SPIDR: variants seen among roughly 807,000 people sequenced by gnomAD.
The protein encoded by SPIDR is DNA repair-scaffolding protein.
SPIDR carries 93 observed loss-of-function variants against 104.6 expected under a neutral mutation model. The ratio of observed to expected loss-of-function variants is 0.89; its 90% confidence interval spans 0.75 to 1.06. SPIDR has a LOEUF of 1.06. SPIDR is among the 50% of genes least tolerant of loss of function. SPIDR has a pLI of 0.00. For synonymous variants in SPIDR, 431 were observed against 416.9 expected (o/e 1.03, Z -0.41); for missense variants, 1,154 against 1,111.2 (o/e 1.04, Z -0.55).
intron 11 of SPIDR, among the ~76,000 whole-genome samples, chr8:47,693,287 C>T (rs1363789655): frequency 1.3e-5 from 2 of 152,186 alleles, no homozygotes; most frequent in Non-Finnish European, 2.9e-5. Flanking sequence ...GTGTCACCAA[C>T]TAGCCTAGAG....
At position 47,279,850 on chromosome 8, in the gene SPIDR, T is replaced by A; in HGVS notation, c.34-12T>A. On this transcript the variant is annotated splice_polypyrimidine_tract_variant and intron_variant, in intron 1 of 19. Coordinates refer to ENST00000297423, the MANE Select transcript of SPIDR (RefSeq NM_001080394.4). ...TTTGTTTCGATTTTTCTTTTAAAAA[T>A]CATCTCCACAGAGAAAAAGGAGTTG... is the stretch of plus-strand genomic sequence containing the variant. The A allele has an allele frequency of 6.3e-7, 1 of 1,577,234 alleles. No homozygotes were observed. The highest frequency in any genetic ancestry group is 1.1e-5 in the South Asian group (1 of 87,142).
chr8:47,620,179 A>G (rs1200184317), intron 10 of SPIDR, among the ~76,000 whole-genome samples: 1 of 152,190 alleles, frequency 6.6e-6, no homozygotes, highest in African/African-American at 2.4e-5. Context: ...AAGTTCAGCC[A>G]GGTTTTGAGA....
At chr8:47,708,771 T>C (rs899493398) in intron 14 of SPIDR, among the ~76,000 whole-genome samples, 1 of 152,108 alleles carries the variant, frequency 6.6e-6, no homozygotes, top group Admixed American at 6.6e-5. Context: ...AATCTTAGAG[T>C]CTGTAGCCTT....
chr8:47,395,098 C>T (rs1344769760), intron 5 of SPIDR, among the ~76,000 whole-genome samples: 4 of 151,966 alleles, frequency 2.6e-5, no homozygotes, highest in African/African-American at 9.7e-5. Flanking sequence ...CCTGTTATCC[C>T]AGCACTTTGG....
chr8:47,512,151 C>G, intron 8 of SPIDR: 1 of 417,750 alleles, frequency 2.4e-6, no homozygotes, highest in African/African-American at 2.0e-5. Flanking sequence ...CCGTCTTCAT[C>G]CCATGCGCCT....
rs1229355817 is a variant in SPIDR at position 47,439,517 on chromosome 8, G to A, written c.878-806G>A. On this transcript the variant is annotated intron_variant, in intron 7 of 19. Transcript: ENST00000297423. ...TGGTTTACCCATCTTTCTGATTTATGCTGGGTGCAGTTTTCTACTCTTATA... is the reference window on the plus strand; with the variant it reads ...TGGTTTACCCATCTTTCTGATTTATACTGGGTGCAGTTTTCTACTCTTATA... 3.9e-4 allele frequency among the ~76,000 whole-genome samples: 60 copies of A among 152,110 alleles called. 1 individual carries two copies. Among genetic ancestry groups the A allele is most frequent in the Non-Finnish European group, 1.5e-5 (1 of 68,018 alleles).
intron 5 of SPIDR, among the ~76,000 whole-genome samples, chr8:47,317,406 G>A (rs375782330): frequency 9.2e-5 from 14 of 152,096 alleles, no homozygotes; most frequent in Admixed American, 6.6e-5. Flanking sequence ...GGCTGGGGGA[G>A]GGGCGCCCAC....
rs148868000 is a variant in SPIDR at position 47,477,342 on chromosome 8, G to A, written c.1097+36800G>A. 1.3e-4 allele frequency among the ~76,000 whole-genome samples: 20 copies of A among 152,142 alleles called. No individual in the cohort carries two copies. In the East Asian group the frequency reaches 3.7e-3, roughly 28 times the overall value. On this transcript the variant is annotated intron_variant, in intron 8 of 19. Coordinates refer to ENST00000297423, the MANE Select transcript of SPIDR (RefSeq NM_001080394.4). The stretch of plus-strand genomic sequence containing the variant: ...CCCCTGAGTAACTGGGATTACAGGC[G>A]CTTGGCGACCACGCCCAGCTAATTT...
chr8:47,685,517 A>T (rs143490902), intron 11 of SPIDR, among the ~76,000 whole-genome samples: 40,378 of 126,424 alleles, frequency 0.32, 8,331 homozygotes, highest in East Asian at 0.47. Flanking sequence ...TTATTTATTT[A>T]TTTTTTTGAG....
chr8:47,704,091 C>T (rs1189840148), intron 14 of SPIDR, among the ~76,000 whole-genome samples: 1 of 152,232 alleles, frequency 6.6e-6, no homozygotes, highest in Non-Finnish European at 1.5e-5. Flanking sequence ...AATTGCGTTT[C>T]CTTTCCTTCT....
chr8:47,297,449 C>A (rs1017930479), intron 5 of SPIDR, among the ~76,000 whole-genome samples: 15 of 151,872 alleles, frequency 9.9e-5, no homozygotes, highest in Non-Finnish European at 1.5e-4. Context: ...CATGCTTTTT[C>A]CATATCTATT....
chr8:47,265,934 A>G (rs1208173683), intron 1 of SPIDR, among the ~76,000 whole-genome samples: 2 of 152,024 alleles, frequency 1.3e-5, no homozygotes, highest in Non-Finnish European at 2.9e-5. Context: ...AAGGGCATCA[A>G]TCCCGTAACT....
chr8:47,379,985 C>T lies in SPIDR; in HGVS notation c.526-16391C>T, dbSNP rs375196284. Among the ~76,000 whole-genome samples the T allele has an allele frequency of 3.3e-5, 5 of 152,328 alleles. No homozygotes were observed. The South Asian group carries it at 6.2e-4, about 19-fold the overall frequency. On this transcript the variant is annotated intron_variant, in intron 5 of 19. Coordinates refer to ENST00000297423, the MANE Select transcript of SPIDR (RefSeq NM_001080394.4). Reference sequence around the variant, plus strand: ...TCAGGACTTCTCTCTCAATTTCTTCCATTTTCCCCACCCATTGTGTAGCAT... The same window carrying T: ...TCAGGACTTCTCTCTCAATTTCTTCTATTTTCCCCACCCATTGTGTAGCAT...
chr8:47,300,675 A>C (rs1194391835), intron 5 of SPIDR, among the ~76,000 whole-genome samples: 2 of 152,178 alleles, frequency 1.3e-5, no homozygotes, highest in African/African-American at 4.8e-5. Flanking sequence ...TTCCAAGAAC[A>C]TCTTTATTTC....
chr8:47,539,267 G>T (rs2087611804), intron 8 of SPIDR, among the ~76,000 whole-genome samples: 1 of 152,054 alleles, frequency 6.6e-6, no homozygotes, highest in Admixed American at 6.6e-5. Context: ...AATGTATTAA[G>T]ATTTTATATA....
intron 8 of SPIDR, among the ~76,000 whole-genome samples, chr8:47,459,796 C>T (rs1554712327): frequency 3.9e-5 from 6 of 152,250 alleles, no homozygotes; most frequent in Non-Finnish European, 1.5e-5. Context: ...CCTCTTACCA[C>T]CACCTTTGCC....
chr8:47,516,668 A>G (rs1017158013), intron 8 of SPIDR, among the ~76,000 whole-genome samples: 2 of 152,036 alleles, frequency 1.3e-5, no homozygotes, highest in African/African-American at 4.8e-5. Flanking sequence ...TTATCCATTC[A>G]TCTGTTCATC....
intron 8 of SPIDR, among the ~76,000 whole-genome samples, chr8:47,591,887 A>C (rs1310071798): frequency 1.3e-5 from 2 of 151,648 alleles, no homozygotes; most frequent in Non-Finnish European, 2.9e-5. Flanking sequence ...AAGTAAATAG[A>C]AACGGGGCGG....
intron 8 of SPIDR, among the ~76,000 whole-genome samples, chr8:47,516,145 T>C (rs2154378362): frequency 6.6e-6 from 1 of 152,322 alleles, no homozygotes; most frequent in Admixed American, 6.5e-5. Context: ...CTGCCTTCGT[T>C]GCCCAGGCTG....
Sources: allele counts gnomAD v4.1 joint callset (sites outside exome capture counted in the v4.1 genomes callset), GRCh38; gene constraint gnomAD v4.1.1; transcripts MANE v1.5; gene names NCBI Gene and HGNC (gene_info 2026-07-23, HGNC 2026-07-21).